L3HYPDH: variants seen among roughly 807,000 people sequenced by gnomAD.
L3HYPDH encodes the protein trans-3-hydroxy-L-proline dehydratase.
Under a neutral mutation model 26.5 loss-of-function variants are expected in L3HYPDH, and 32 were observed. That is an observed-to-expected ratio of 1.21 (90% confidence interval 0.91 to 1.62). L3HYPDH has a LOEUF of 1.62. Among genes scored for constraint, L3HYPDH ranks in the 40% most tolerant of loss-of-function variants. The pLI is 0.00. For missense variants in L3HYPDH, 554 were observed against 476.4 expected (o/e 1.16, Z -1.52); for synonymous variants, 215 against 196.6 (o/e 1.09, Z -0.78).
chr14:59,502,755 T>TGTTTTTTTTTCTTTGTTTTGG, the L3HYPDH span, among the ~76,000 whole-genome samples: 1 of 122,918 alleles, frequency 8.1e-6, no homozygotes, highest in Non-Finnish European at 1.6e-5. Context: ...ATGAGATTTT[T>TGTTTTTTTTTCTTTGTTTTGG]TTTTTTTTTT....
At chr14:59,466,403 T>G (rs1270000416) in intron 1 of L3HYPDH, among the ~76,000 whole-genome samples, 2 of 152,220 alleles carry the variant, frequency 1.3e-5, no homozygotes, top group African/African-American at 4.8e-5. Flanking sequence ...TAACTAACCC[T>G]GGGCTCTTCG....
chr14:59,467,734 T>C (rs1451967466), downstream of L3HYPDH, among the ~76,000 whole-genome samples: 2 of 152,184 alleles, frequency 1.3e-5, no homozygotes, highest in East Asian at 1.9e-4. Context: ...GCACATCAAA[T>C]GGGTGCATGA....
chr14:59,497,955 A>T, the L3HYPDH span, among the ~76,000 whole-genome samples: 1 of 152,216 alleles, frequency 6.6e-6, no homozygotes, highest in East Asian at 1.9e-4. Flanking sequence ...AGGAAAATTA[A>T]GGTAGAACTA....
At chr14:59,498,887 G>A in the L3HYPDH span, 3 of 1,608,094 alleles carry the variant, frequency 1.9e-6, no homozygotes, top group East Asian at 6.7e-5. Context: ...CGTGCTTCAG[G>A]CAGTTGGTGG....
the L3HYPDH span, chr14:59,500,962 T>C: frequency 2.2e-6 from 1 of 451,248 alleles, no homozygotes; most frequent in Non-Finnish European, 3.9e-6. Flanking sequence ...CCACTACAAC[T>C]GCAGAGCTGG....
At chr14:59,504,229 C>T in the L3HYPDH span, 27 of 613,284 alleles carry the variant, frequency 4.4e-5, no homozygotes, top group Non-Finnish European at 7.7e-5. Flanking sequence ...TATGGTTAGA[C>T]TTACAGACTT....
chr14:59,500,965 A>C, the L3HYPDH span: 1 of 454,014 alleles, frequency 2.2e-6, no homozygotes, highest in Non-Finnish European at 3.9e-6. Flanking sequence ...CTACAACTGC[A>C]GAGCTGGGTA....
At chr14:59,485,160 T>C, upstream of L3HYPDH, 1 of 1,585,864 alleles carries the variant, frequency 6.3e-7, no homozygotes, top group Non-Finnish European at 8.5e-7. Context: ...ATCATACTGG[T>C]TTTCAGGCCT....
chr14:59,498,868 A>T, the L3HYPDH span: 1 of 1,611,682 alleles, frequency 6.2e-7, no homozygotes, highest in Non-Finnish European at 8.5e-7. Flanking sequence ...ACTTCTTCCC[A>T]ATTTTAACCG....
chr14:59,488,390 G>A (rs1003185765), upstream of L3HYPDH, among the ~76,000 whole-genome samples: 2 of 152,038 alleles, frequency 1.3e-5, no homozygotes, highest in East Asian at 3.9e-4. Context: ...TAGTGGAAGA[G>A]TTATAAACAA....
chr14:59,484,227 C>T lies in L3HYPDH; in HGVS notation c.90G>A (p.Glu30=), dbSNP rs61742156. The T allele has an allele frequency of 3.0e-3, 4,779 of 1,598,486 alleles. 128 individuals are homozygous for T. In the African/African-American group the frequency reaches 0.052, roughly 17 times the overall value. Residue 30 remains glutamate (E), a synonymous_variant, in exon 1 of 5, where the codon GAG becomes GAA. Coordinates refer to ENST00000247194, the MANE Select transcript of L3HYPDH (RefSeq NM_144581.2). ...LSVVDMHTGG[E]PLRIVLAGCP... is the part of the protein sequence containing the mutation. ...ACCCCGCCAGCACGATACGCAAGGG[C>T]TCGCCGCCCGTGTGCATGTCCACCA...
At position 59,484,366 on chromosome 14, in the gene L3HYPDH, C is replaced by T. The variant is rs1286328888; in HGVS notation, c.-50G>A. On this transcript the variant is annotated 5_prime_UTR_variant, in exon 1 of 5. Transcript: ENST00000247194. ...CGGTCCCGCAGCTATGGCTTCAAGC[C>T]CGACCCTCACCCACTGACTCCGCGG... The T allele has an allele frequency of 6.6e-6, 10 of 1,523,356 alleles. No individual in the cohort carries two copies. In the East Asian group the frequency reaches 6.8e-5, roughly 10 times the overall value. 94.4% of individuals were successfully genotyped at this position (1,523,356 alleles called of 1,614,324 possible).
chr14:59,505,150 C>A, the L3HYPDH span: 1 of 563,774 alleles, frequency 1.8e-6, no homozygotes, highest in Non-Finnish European at 2.9e-6. Flanking sequence ...TTTAAGACTT[C>A]TATTAACAGC....
rs148585941 is a variant in L3HYPDH at position 59,473,146 on chromosome 14, G to A, written c.940-56C>T. The A allele has an allele frequency of 3.3e-3, 4,928 of 1,489,184 alleles. 47 individuals are homozygous for A. Among genetic ancestry groups the A allele is most frequent in the Middle Eastern group, 0.017 (98 of 5,690 alleles). 92.2% of individuals were successfully genotyped at this position (1,489,184 alleles called of 1,614,324 possible). A position where few individuals can be genotyped will look rare whatever the true frequency, so the allele number is the denominator to read the frequency against. On this transcript the variant is annotated intron_variant, in intron 4 of 4. Coordinates refer to ENST00000247194, the MANE Select transcript of L3HYPDH (RefSeq NM_144581.2). ...AAATATTGCACTCGTATTATATCTG[G>A]CTTGAAAACTGTACTCTTGACTTTT... is the stretch of plus-strand genomic sequence containing the variant.
At chr14:59,484,742 C>G (rs1265163300), upstream of L3HYPDH, 7 of 1,075,250 alleles carry the variant, frequency 6.5e-6, no homozygotes, top group South Asian at 2.9e-5. Context: ...GGCCGGGCTC[C>G]GCACTCCTGC....
Position 59,484,060 on chromosome 14 carries a change from G to A in L3HYPDH, c.257C>T (p.Pro86Leu), listed in dbSNP as rs753190024. The A allele has an allele frequency of 1.2e-6, 2 of 1,606,946 alleles. No homozygotes were observed. Among genetic ancestry groups the A allele is most frequent in the Admixed American group, 3.3e-5 (2 of 59,930 alleles). The change falls in exon 1 of 5, where the codon CCG becomes CTG. Residue 86 changes from proline (P) to leucine (L), a missense_variant. Transcript: ENST00000247194. ...YGAVLVPSEL[P>L]DAHLGVLFLH... ...GAACAGGACGCCCAGATGCGCGTCC[G>A]GCAGCTCGCTCGGGACTAGGACCGC...
At chr14:59,468,243 C>T (rs1889240669), downstream of L3HYPDH, among the ~76,000 whole-genome samples, 1 of 152,178 alleles carries the variant, frequency 6.6e-6, no homozygotes, top group African/African-American at 2.4e-5. Context: ...ATCCTATTGG[C>T]TTTCCCCATT....
chr14:59,468,645 C>T (rs1000581182), downstream of L3HYPDH, among the ~76,000 whole-genome samples: 13 of 152,192 alleles, frequency 8.5e-5, no homozygotes, highest in African/African-American at 3.1e-4. Flanking sequence ...TAAGCATTAC[C>T]TGCCTCCCAC....
the L3HYPDH span, among the ~76,000 whole-genome samples, chr14:59,499,092 C>T: frequency 0.42 from 55,493 of 132,874 alleles, 11,679 homozygotes; most frequent in Middle Eastern, 0.57. Context: ...GGCATGATCT[C>T]GGTTCACTGC....
Sources: gnomAD v4.1 joint callset for allele counts (sites outside exome capture counted in the v4.1 genomes callset) on GRCh38, gnomAD v4.1.1 for gene constraint, MANE v1.5 for transcripts, NCBI Gene and HGNC (gene_info 2026-07-23, HGNC 2026-07-21) for gene names.